The following COL8A1 variants were observed in gnomAD, a reference collection of about 807,000 sequenced individuals.
The protein encoded by COL8A1 is collagen type VIII alpha 1 chain, also known as collagen alpha-1(VIII) chain.
COL8A1 carries 21 observed loss-of-function variants against 42.7 expected under a neutral mutation model. The observed-to-expected ratio is 0.49, with a 90% CI of 0.35 to 0.71. The LOEUF (loss-of-function observed/expected upper bound fraction) is 0.71, where lower values mean the gene tolerates loss of function less well. Among genes scored for constraint, COL8A1 ranks in the 30% least tolerant of loss-of-function variants. COL8A1 has a pLI of 0.01. For missense variants in COL8A1, 788 were observed against 962.4 expected, an observed-to-expected ratio of 0.82 and a Z score of 2.40; for synonymous variants, 367 against 369.1, an observed-to-expected ratio of 0.99 and a Z score of 0.06.
intron 2 of COL8A1, among the ~76,000 whole-genome samples, chr3:99,778,440 G>C (rs1941735234): frequency 1.3e-5 from 2 of 152,138 alleles, no homozygotes. Context: ...TCAGACTGGA[G>C]ATTTAGAAAA....
chr3:99,717,498 G>T (rs1415709624), intron 1 of COL8A1, among the ~76,000 whole-genome samples: 14 of 151,962 alleles, frequency 9.2e-5, no homozygotes, highest in Admixed American at 7.9e-4. Flanking sequence ...CATGATAAAA[G>T]ATTATATAGG....
chr3:99,672,879 C>T (rs1938587878), intron 1 of COL8A1, among the ~76,000 whole-genome samples: 1 of 151,980 alleles, frequency 6.6e-6, no homozygotes, highest in African/African-American at 2.4e-5. Context: ...ATACATTTCA[C>T]CAGTTCCAGA....
chr3:99,679,039 C>T (rs575720219), intron 1 of COL8A1: 1 of 152,160 alleles, frequency 6.6e-6, no homozygotes, highest in East Asian at 1.9e-4. Context: ...ATAAAGAACT[C>T]GGCAACTTCT....
At chr3:99,665,983 G>A (rs916650129) in intron 1 of COL8A1, among the ~76,000 whole-genome samples, 9 of 151,850 alleles carry the variant, frequency 5.9e-5, no homozygotes, top group South Asian at 2.1e-4. Context: ...GAGCCACCAC[G>A]CCCAGCCTGA....
chr3:99,659,420 T>A (rs1938131905), intron 1 of COL8A1, among the ~76,000 whole-genome samples: 1 of 152,210 alleles, frequency 6.6e-6, no homozygotes, highest in Non-Finnish European at 1.5e-5. Flanking sequence ...CAGCAGTGAA[T>A]AAAACAATAT....
chr3:99,711,240 T>C (rs527277512), intron 1 of COL8A1, among the ~76,000 whole-genome samples: 1 of 152,248 alleles, frequency 6.6e-6, no homozygotes, highest in East Asian at 1.9e-4. Flanking sequence ...AGCCTCAGAC[T>C]TGAAGAAACA....
At chr3:99,735,875 C>T (rs1940694508) in intron 1 of COL8A1, among the ~76,000 whole-genome samples, 1 of 152,016 alleles carries the variant, frequency 6.6e-6, no homozygotes, top group Non-Finnish European at 1.5e-5. Context: ...CTGGTTTAGT[C>T]TTGGGAGGGT....
At chr3:99,665,673 C>CTTTTTTTTTTTT (rs67004417) in intron 1 of COL8A1, among the ~76,000 whole-genome samples, 1 of 70,222 alleles carries the variant, frequency 1.4e-5, no homozygotes, top group Non-Finnish European at 2.6e-5. Flanking sequence ...TGAATTAATT[C>CTTTTTTTTTTTT]TTTTTTTTTT....
Position 99,792,768 on chromosome 3 carries a change from A to T in COL8A1, c.329-1462A>T, listed in dbSNP as rs928575500. ...CTAAAATATCTTATTCATCTCTCCTACTTAAAAGCCAGATTTGTATATGAG... is the reference window on the plus strand; with the variant it reads ...CTAAAATATCTTATTCATCTCTCCTTCTTAAAAGCCAGATTTGTATATGAG... On this transcript the variant is annotated intron_variant, in intron 3 of 3. Transcript: ENST00000652472. Among the ~76,000 whole-genome samples, 40 of 152,168 alleles carry T rather than the reference A, an allele frequency of 2.6e-4. 1 individual carries two copies. The highest frequency in any genetic ancestry group is 1.3e-4 in the Admixed American group (2 of 15,282).
In COL8A1 at chr3:99,795,518, A is replaced by T; in HGVS notation, c.1617A>T (p.Gly539=). The change falls in exon 4 of 4, where the codon GGA becomes GGT. Residue 539 remains glycine (G), a synonymous_variant. Coordinates refer to ENST00000652472, the MANE Select transcript of COL8A1 (RefSeq NM_020351.4). ...GTATAGGGAAACCCGGAGTGGCAGG[A>T]CTTCATGGCCCCCCAGGGAAGCCTG... The part of the protein sequence containing the change: ...FPGIGKPGVA[G]LHGPPGKPGA... 6.3e-7 allele frequency: 1 copy of T among 1,592,978 alleles called. No homozygotes were observed. Among genetic ancestry groups the T allele is most frequent in the Non-Finnish European group, 8.5e-7 (1 of 1,170,534 alleles).
At chr3:99,657,875 A>T (rs1325403583) in intron 1 of COL8A1, among the ~76,000 whole-genome samples, 1 of 152,144 alleles carries the variant, frequency 6.6e-6, no homozygotes, top group Admixed American at 6.5e-5. Flanking sequence ...CACACCTGTA[A>T]TCCCAGCACT....
intron 2 of COL8A1, among the ~76,000 whole-genome samples, chr3:99,747,006 T>G (rs1394608984): frequency 2.6e-5 from 4 of 152,166 alleles, no homozygotes; most frequent in Non-Finnish European, 2.9e-5. Flanking sequence ...GAAATGTATT[T>G]GAAACAAATG....
At chr3:99,703,430 T>C (rs1045203175) in intron 1 of COL8A1, 2 of 152,100 alleles carry the variant, frequency 1.3e-5, no homozygotes, top group African/African-American at 4.8e-5. Context: ...TGAAGAAAGA[T>C]GTTAAATGCA....
chr3:99,734,368 G>A (rs1940629779), intron 1 of COL8A1, among the ~76,000 whole-genome samples: 1 of 143,190 alleles, frequency 7.0e-6, no homozygotes, highest in South Asian at 2.2e-4. Flanking sequence ...TTCTACATAT[G>A]GCTAGCCAGT....
At chr3:99,644,064 G>T (rs1015449388) in intron 1 of COL8A1, among the ~76,000 whole-genome samples, 4 of 152,140 alleles carry the variant, frequency 2.6e-5, no homozygotes, top group African/African-American at 7.2e-5. Context: ...GAAGCTAAGA[G>T]AGTTTATTCC....
intron 1 of COL8A1, among the ~76,000 whole-genome samples, chr3:99,721,207 A>C (rs1424546572): frequency 6.6e-6 from 1 of 151,996 alleles, no homozygotes; most frequent in East Asian, 1.9e-4. Flanking sequence ...AAAAAGTGCA[A>C]ATGTTACTCA....
intron 2 of COL8A1, among the ~76,000 whole-genome samples, chr3:99,770,023 T>C (rs1379899107): frequency 6.6e-6 from 1 of 152,206 alleles, no homozygotes; most frequent in Non-Finnish European, 1.5e-5. Flanking sequence ...ATATGTGACA[T>C]GGGAGCCTTC....
chr3:99,771,647 T>C (rs1314916814), intron 2 of COL8A1, among the ~76,000 whole-genome samples: 1 of 152,220 alleles, frequency 6.6e-6, no homozygotes, highest in East Asian at 1.9e-4. Flanking sequence ...TTTTGTGATG[T>C]TAATTCTGTG....
intron 2 of COL8A1, among the ~76,000 whole-genome samples, chr3:99,763,367 G>A (rs1941399904): frequency 6.6e-6 from 1 of 152,068 alleles, no homozygotes; most frequent in African/African-American, 2.4e-5. Flanking sequence ...GGGTTCCTTG[G>A]GTTTACATTT....
Sources: gnomAD v4.1 joint callset for allele counts (sites outside exome capture counted in the v4.1 genomes callset) on GRCh38, gnomAD v4.1.1 for gene constraint, MANE v1.5 for transcripts, NCBI Gene and HGNC (gene_info 2026-07-23, HGNC 2026-07-21) for gene names.